DNAH14: variants seen among roughly 807,000 people sequenced by gnomAD.
DNAH14 encodes the protein dynein axonemal heavy chain 14.
A neutral mutation model predicts 520.9 loss-of-function variants in DNAH14; 478 were observed. That is an observed-to-expected ratio of 0.92 (90% CI 0.85 to 0.99). DNAH14 has a LOEUF of 0.99. Ranked by LOEUF, DNAH14 falls within the 50% of genes least tolerant of loss-of-function variation. The pLI is 0.00. For missense variants in DNAH14, 4,831 were observed against 5,234.5 expected (o/e 0.92, Z 2.38); for synonymous variants, 1,581 against 1,757.2 (o/e 0.90, Z 2.51).
At chr1:225,053,012 G>T (rs2068690972) in intron 17 of DNAH14, among the ~76,000 whole-genome samples, 1 of 152,116 alleles carries the variant, frequency 6.6e-6, no homozygotes, top group African/African-American at 2.4e-5. Flanking sequence ...CAGGATGGAA[G>T]AAGGCAGCAA....
In DNAH14 at chr1:225,340,621, TA is replaced by T; in HGVS notation, c.10599del (p.Leu3533PhefsTer10). 11 of 1,551,452 alleles carry T rather than the reference TA, an allele frequency of 7.1e-6. No individual in the cohort carries two copies. Among genetic ancestry groups the T allele is most frequent in the Non-Finnish European group, 7.8e-6 (9 of 1,146,858 alleles). On this transcript the variant is annotated frameshift_variant, in exon 69 of 86. Transcript: ENST00000682510. LOFTEE classifies it high-confidence loss of function. ...CATTTAGAAGATCAACGTTCCAAGT[TA>T]CTGGAGAGTATTTCCCTTGATGCCA... ...VPHLEDQRSK[L>X]LESISLDAIT...
chr1:225,136,024 C>T (rs568599276), intron 27 of DNAH14, among the ~76,000 whole-genome samples: 219 of 152,138 alleles, frequency 1.4e-3, no homozygotes, highest in Non-Finnish European at 2.3e-3. Flanking sequence ...TCCCTTATCC[C>T]TTTATTTTGA....
chr1:225,305,193 G>A, intron 58 of DNAH14, 104 bp downstream of exon 58: 1 of 1,290,720 alleles, frequency 7.7e-7, no homozygotes. Flanking sequence ...CTTTTTGGTG[G>A]GACAAAAAGC....
At chr1:225,168,734 G>A (rs1027003903) in intron 36 of DNAH14, among the ~76,000 whole-genome samples, 8 of 152,318 alleles carry the variant, frequency 5.3e-5, no homozygotes, top group African/African-American at 1.9e-4. Context: ...GCAGGGCACA[G>A]CCAAATAAAA....
intron 83 of DNAH14, among the ~76,000 whole-genome samples, chr1:225,391,536 G>A (rs1558615732): frequency 6.6e-6 from 1 of 152,104 alleles, no homozygotes; most frequent in African/African-American, 2.4e-5. Flanking sequence ...GGTGATCAGA[G>A]TAGAGCAGTG....
chr1:225,300,335 G>A (rs1000422874), intron 55 of DNAH14, among the ~76,000 whole-genome samples: 1 of 152,154 alleles, frequency 6.6e-6, no homozygotes, highest in South Asian at 2.1e-4. Flanking sequence ...TCCATACCAA[G>A]TATATGTTTC....
At chr1:225,324,623 T>C (rs2094618102) in intron 63 of DNAH14, 114 bp from the exon 64 acceptor site, 1 of 1,057,066 alleles carries the variant, frequency 9.5e-7, no homozygotes, top group Admixed American at 2.5e-5. Context: ...CATATAGTTC[T>C]AGGAAAGTTT....
At position 225,360,686 on chromosome 1, in the gene DNAH14, G is replaced by A. The variant is rs770520164; in HGVS notation, c.11782G>A (p.Asp3928Asn). 6 of 1,551,510 alleles carry A rather than the reference G, an allele frequency of 3.9e-6. No individual in the cohort carries two copies. Among genetic ancestry groups the A allele is most frequent in the Non-Finnish European group, 4.4e-6 (5 of 1,146,880 alleles). Residue 3928 changes from aspartate (D) to asparagine (N), a missense_variant, in exon 75 of 86, where the codon GAC becomes AAC. Transcript: ENST00000682510. Reference protein sequence around the residue: ...PLILIQTHGIDLTNILLRFAQ... With the variant: ...PLILIQTHGINLTNILLRFAQ... Reference sequence around the variant, plus strand: ...CTCTCCACGTTGTTATACAGGGATCGACCTTACCAATATCCTCCTGAGATT... The same window carrying A: ...CTCTCCACGTTGTTATACAGGGATCAACCTTACCAATATCCTCCTGAGATT...
Position 225,002,896 on chromosome 1 carries a change from A to C in DNAH14, c.944A>C (p.Glu315Ala). The C allele has an allele frequency of 1.3e-6, 2 of 1,549,404 alleles. No homozygotes were observed. Among genetic ancestry groups the C allele is most frequent in the Non-Finnish European group, 1.7e-6 (2 of 1,145,520 alleles). The change falls in exon 9 of 86, where the codon GAA becomes GCA. Residue 315 changes from glutamate (E) to alanine (A), a missense_variant. Physicochemically the swap from Glu to Ala is moderately radical, Grantham distance 107 (BLOSUM62 -1). Coordinates refer to ENST00000682510, the MANE Select transcript of DNAH14 (RefSeq NM_001367479.1). Reference protein sequence around the residue: ...AINLKNYNDHENNLSAICLVK... With the variant: ...AINLKNYNDHANNLSAICLVK... ...AATCTCAAAAATTATAATGACCATG[A>C]AAATAATCTATCTGCCATATGCCTT...
intron 36 of DNAH14, 42 bp from the exon 37 acceptor site, chr1:225,185,249 A>C: frequency 1.3e-6 from 2 of 1,528,242 alleles, no homozygotes; most frequent in Non-Finnish European, 1.8e-6. Flanking sequence ...TAATAAACTT[A>C]AAATCATTAA....
chr1:224,993,103 T>A (rs1013190386), intron 8 of DNAH14, among the ~76,000 whole-genome samples: 2 of 152,104 alleles, frequency 1.3e-5, no homozygotes, highest in Admixed American at 6.5e-5. Context: ...GAATTTGGTT[T>A]GCTAGAATTT....
chr1:225,153,148 A>G (rs1233590735), intron 33 of DNAH14, among the ~76,000 whole-genome samples: 4 of 152,158 alleles, frequency 2.6e-5, no homozygotes, highest in Non-Finnish European at 4.4e-5. Context: ...GTTATTTTAA[A>G]TTACGGACTA....
intron 79 of DNAH14, among the ~76,000 whole-genome samples, chr1:225,377,641 T>C (rs2095718251): frequency 6.6e-6 from 1 of 152,026 alleles, no homozygotes; most frequent in African/African-American, 2.4e-5. Flanking sequence ...GCACCTGTAG[T>C]CCCAGTAACT....
rs2095866961 is a variant in DNAH14 at position 225,388,504 on chromosome 1, G to A, written c.13190+13G>A. 7.1e-7 allele frequency: 1 copy of A among 1,410,358 alleles called. No homozygotes were observed. 87.4% of individuals were successfully genotyped at this position (1,410,358 alleles called of 1,614,324 possible). A position where few individuals can be genotyped will look rare whatever the true frequency, so the allele number is the denominator to read the frequency against. On this transcript the variant is annotated intron_variant, in intron 82 of 85. Transcript: ENST00000682510. The stretch of plus-strand genomic sequence containing the variant: ...CAATACAGCGTCGGTATGGATAAAA[G>A]ATGCTTTACATTTCTTCCTCATTTT...
At chr1:225,364,455 A>G (rs952178007) in intron 75 of DNAH14, among the ~76,000 whole-genome samples, 1 of 152,102 alleles carries the variant, frequency 6.6e-6, no homozygotes, top group Non-Finnish European at 1.5e-5. Context: ...AAGGATTATA[A>G]TTGTTTACCG....
chr1:225,140,724 TA>T (rs2079372528), intron 27 of DNAH14, 43 bp from the exon 28 acceptor site: 1 of 1,302,732 alleles, frequency 7.7e-7, no homozygotes, highest in African/African-American at 1.5e-5. Flanking sequence ...CAATTATATA[TA>T]TATAGAGAGA....
intron 8 of DNAH14, among the ~76,000 whole-genome samples, chr1:224,985,760 G>A (rs1307788981): frequency 6.6e-6 from 1 of 151,904 alleles, no homozygotes; most frequent in African/African-American, 2.4e-5. Flanking sequence ...AAATGCAGTT[G>A]ATCTACTGAA....
intron 25 of DNAH14, 28 bp from the exon 26 acceptor site, chr1:225,119,192 A>G: frequency 6.9e-7 from 1 of 1,441,634 alleles, no homozygotes; most frequent in Non-Finnish European, 9.3e-7. Context: ...ATAATTCTTC[A>G]TGATATTATT....
chr1:225,155,693 C>T (rs1460613439), intron 34 of DNAH14, among the ~76,000 whole-genome samples: 1 of 152,134 alleles, frequency 6.6e-6, no homozygotes, highest in African/African-American at 2.4e-5. Flanking sequence ...CATGGGCACC[C>T]TTCAATTAGA....
Sources: gnomAD v4.1 joint callset for allele counts (sites outside exome capture counted in the v4.1 genomes callset) on GRCh38, gnomAD v4.1.1 for gene constraint, MANE v1.5 for transcripts, NCBI Gene and HGNC (gene_info 2026-07-23, HGNC 2026-07-21) for gene names.